The following SDK1 variants were observed in gnomAD, a reference collection of about 807,000 sequenced individuals.
SDK1 encodes the protein protein sidekick-1.
Under a neutral mutation model 245.5 loss-of-function variants are expected in SDK1, and 157 were observed. That is an observed-to-expected ratio of 0.64 (90% CI 0.56 to 0.73). SDK1 has a LOEUF of 0.73. Among genes scored for constraint, SDK1 ranks in the 30% least tolerant of loss-of-function variants. The probability of loss-of-function intolerance (pLI) is 0.00; values close to 1 mark genes in which losing one functional copy is unlikely to be tolerated. For missense variants in SDK1, 3,583 were observed against 3,002.3 expected (o/e 1.19, Z -4.52); for synonymous variants, 1,647 against 1,278.5 (o/e 1.29, Z -6.15).
intron 4 of SDK1, among the ~76,000 whole-genome samples, chr7:3,704,022 G>C (rs1430833355): frequency 6.6e-6 from 1 of 152,110 alleles, no homozygotes; most frequent in Non-Finnish European, 1.5e-5. Context: ...ATTGTACATT[G>C]CACCCAGTTT....
intron 20 of SDK1, among the ~76,000 whole-genome samples, chr7:4,069,820 A>G (rs1380126694): frequency 6.6e-6 from 1 of 152,144 alleles, no homozygotes; most frequent in Non-Finnish European, 1.5e-5. Context: ...TTTCTCAGCA[A>G]CCACACAAGG....
At chr7:3,776,819 T>A (rs1273498525) in intron 4 of SDK1, among the ~76,000 whole-genome samples, 1 of 152,194 alleles carries the variant, frequency 6.6e-6, no homozygotes, top group African/African-American at 2.4e-5. Context: ...TGACCTTGGT[T>A]TTGTTACAGT....
At chr7:3,973,279 G>T (rs1252882385) in intron 12 of SDK1, among the ~76,000 whole-genome samples, 5 of 152,176 alleles carry the variant, frequency 3.3e-5, no homozygotes. Context: ...TGCTGAGAAG[G>T]TAGTTTGTAA....
chr7:3,841,111 C>G (rs959975532), intron 5 of SDK1, among the ~76,000 whole-genome samples: 1 of 152,164 alleles, frequency 6.6e-6, no homozygotes, highest in Middle Eastern at 3.2e-3. Flanking sequence ...GAATGTGTGA[C>G]CAGTTTTACA....
At chr7:3,614,238 A>G (rs1019904107) in intron 1 of SDK1, among the ~76,000 whole-genome samples, 1 of 152,208 alleles carries the variant, frequency 6.6e-6, no homozygotes, top group Non-Finnish European at 1.5e-5. Context: ...TTCATAAATG[A>G]TTTATGTTCT....
At chr7:3,991,706 G>T (rs907680258) in intron 14 of SDK1, among the ~76,000 whole-genome samples, 14 of 152,312 alleles carry the variant, frequency 9.2e-5, no homozygotes, top group Admixed American at 3.3e-4. Flanking sequence ...GTGGCATGCA[G>T]AATCTAGAGT....
In SDK1 at chr7:4,265,247, A is replaced by AGGTACGAGGCGGTGGCGG. The variant is rs1788390366; in HGVS notation, c.6507_6524dup (p.Tyr2170_Gly2175dup). 18 of 1,605,552 alleles carry AGGTACGAGGCGGTGGCGG rather than the reference A, an allele frequency of 1.1e-5. No individual in the cohort carries two copies. The highest frequency in any genetic ancestry group is 1.5e-5 in the Non-Finnish European group (18 of 1,178,866). On this transcript the variant is annotated inframe_insertion, in exon 45 of 45. Transcript: ENST00000404826. ...CCAGGGCCGCGCACCTGCGCCGCAC[A>AGGTACGAGGCGGTGGCGG]GGTACGAGGCGGTGGCGGGCTCCGA...
At chr7:3,710,578 C>G (rs1390154322) in intron 4 of SDK1, among the ~76,000 whole-genome samples, 1 of 146,938 alleles carries the variant, frequency 6.8e-6, no homozygotes, top group African/African-American at 2.6e-5. Context: ...TCTTTATGTA[C>G]TGTTTTATCT....
At chr7:4,170,973 C>A (rs903900792) in intron 32 of SDK1, among the ~76,000 whole-genome samples, 1 of 152,216 alleles carries the variant, frequency 6.6e-6, no homozygotes, top group Non-Finnish European at 1.5e-5. Context: ...GCCTCCCCTA[C>A]CTGTTCCCCT....
At chr7:3,464,287 G>A (rs1038117839) in intron 1 of SDK1, among the ~76,000 whole-genome samples, 8 of 152,250 alleles carry the variant, frequency 5.3e-5, no homozygotes, top group African/African-American at 1.9e-4. Flanking sequence ...ACTTTCGGAG[G>A]CCAAGGCGGG....
At chr7:4,078,901 G>A (rs551664931) in intron 21 of SDK1, among the ~76,000 whole-genome samples, 83 of 152,268 alleles carry the variant, frequency 5.5e-4, no homozygotes, top group African/African-American at 1.9e-3. Flanking sequence ...GAATTTGTTC[G>A]TCTTGGAAAC....
chr7:3,713,083 C>T (rs867535004), intron 4 of SDK1, among the ~76,000 whole-genome samples: 1 of 152,216 alleles, frequency 6.6e-6, no homozygotes, highest in South Asian at 2.1e-4. Flanking sequence ...GGTGCTGCGT[C>T]CCTGGAGAAG....
chr7:3,368,938 C>T (rs988717407), intron 1 of SDK1, among the ~76,000 whole-genome samples: 2 of 152,188 alleles, frequency 1.3e-5, no homozygotes, highest in Non-Finnish European at 1.5e-5. Flanking sequence ...TTCTGTGAAA[C>T]TGTGTAGTCT....
chr7:3,955,220 A>G (rs1250934044), intron 7 of SDK1, among the ~76,000 whole-genome samples: 1 of 152,150 alleles, frequency 6.6e-6, no homozygotes, highest in African/African-American at 2.4e-5. Flanking sequence ...CATGGAATTC[A>G]GTGCTTGTGG....
intron 5 of SDK1, among the ~76,000 whole-genome samples, chr7:3,938,933 AAT>A (rs1185493291): frequency 3.9e-5 from 6 of 152,242 alleles, no homozygotes; most frequent in Non-Finnish European, 8.8e-5. Context: ...TAACTTTTCA[AAT>A]ATGTTATAAA....
chr7:3,965,292 C>G (rs1583658428), intron 9 of SDK1, among the ~76,000 whole-genome samples: 1 of 152,084 alleles, frequency 6.6e-6, no homozygotes, highest in Non-Finnish European at 1.5e-5. Context: ...ACCCAGAGAA[C>G]ATCTCTGGGT....
Position 3,432,440 on chromosome 7 carries a change from C to T in SDK1, c.298+130556C>T, listed in dbSNP as rs57730923. Reference sequence around the variant, plus strand: ...AATCTTATTCCTAGATGTGAATTCTCCAGGGGGCAAAATATCCTAAAAGCT... The same window carrying T: ...AATCTTATTCCTAGATGTGAATTCTTCAGGGGGCAAAATATCCTAAAAGCT... On this transcript the variant is annotated intron_variant, in intron 1 of 44. Coordinates refer to ENST00000404826, the MANE Select transcript of SDK1 (RefSeq NM_152744.4). Among the ~76,000 whole-genome samples, 75 of 152,076 alleles carry T rather than the reference C, an allele frequency of 4.9e-4. 1 individual carries two copies. The East Asian group carries it at 0.014, about 29-fold the overall frequency.
intron 4 of SDK1, among the ~76,000 whole-genome samples, chr7:3,800,549 T>G (rs1006042072): frequency 1.3e-5 from 2 of 151,974 alleles, no homozygotes; most frequent in African/African-American, 4.8e-5. Context: ...ACCCGGCTAA[T>G]TTTTTGTATT....
At chr7:3,687,724 G>A (rs926883679) in intron 4 of SDK1, among the ~76,000 whole-genome samples, 12 of 152,142 alleles carry the variant, frequency 7.9e-5, no homozygotes, top group African/African-American at 1.7e-4. Flanking sequence ...GCAAAGCAGC[G>A]GAGAGAGGAT....
Sources: allele counts gnomAD v4.1 joint callset (sites outside exome capture counted in the v4.1 genomes callset), GRCh38; gene constraint gnomAD v4.1.1; transcripts MANE v1.5; gene names NCBI Gene and HGNC (gene_info 2026-07-23, HGNC 2026-07-21).